The following SOS1 variants were observed in gnomAD, a reference collection of about 807,000 sequenced individuals.
The protein encoded by SOS1 is son of sevenless homolog 1.
In SOS1, 25 loss-of-function variants were observed where a neutral mutation model predicts 157.6. The ratio of observed to expected loss-of-function variants is 0.16; its 90% confidence interval spans 0.12 to 0.22. The LOEUF is 0.22. SOS1 is among the 10% of genes least tolerant of loss of function. The pLI is 1.00. For missense variants in SOS1, 1,237 were observed against 1,599.1 expected, an observed-to-expected ratio of 0.77 and a Z score of 3.86; for synonymous variants, 528 against 534.0, an observed-to-expected ratio of 0.99 and a Z score of 0.16.
intron 5 of SOS1, among the ~76,000 whole-genome samples, chr2:39,051,994 T>C (rs1364411701): frequency 6.6e-6 from 1 of 152,212 alleles, no homozygotes; most frequent in Non-Finnish European, 1.5e-5. Flanking sequence ...CTAGAACATT[T>C]CATTACCACA....
chr2:39,095,216 T>TA (rs1460550762), intron 1 of SOS1, among the ~76,000 whole-genome samples: 2 of 152,194 alleles, frequency 1.3e-5, no homozygotes, highest in Non-Finnish European at 2.9e-5. Context: ...CACCCTCCAG[T>TA]AGACACCAGA....
intron 6 of SOS1, among the ~76,000 whole-genome samples, chr2:39,047,218 T>C (rs547262866): frequency 3.3e-4 from 51 of 152,344 alleles, no homozygotes; most frequent in African/African-American, 1.1e-3. Flanking sequence ...CTCAGTATTA[T>C]GTTGCTGCTT....
chr2:39,079,648 C>A (rs1423091931), intron 1 of SOS1, among the ~76,000 whole-genome samples: 1 of 151,902 alleles, frequency 6.6e-6, no homozygotes, highest in East Asian at 1.9e-4. Flanking sequence ...GCACGTGCCA[C>A]CATGCCCGGC....
In SOS1 at chr2:39,061,402, G is replaced by C. The variant is rs115891809; in HGVS notation, c.214-2598C>G. On this transcript the variant is annotated intron_variant, in intron 2 of 22. Coordinates refer to ENST00000402219, the MANE Select transcript of SOS1 (RefSeq NM_005633.4). ...ATTTCTTTACTTTTTATTTATTTTG[G>C]GGGGGAACAGGGTCTCGATCTATCA... Among the ~76,000 whole-genome samples, 592 of 151,754 alleles carry C rather than the reference G, an allele frequency of 3.9e-3. 6 individuals carry two copies. Among genetic ancestry groups the C allele is most frequent in the African/African-American group, 0.014 (561 of 41,370 alleles).
intron 1 of SOS1, among the ~76,000 whole-genome samples, chr2:39,071,849 C>T (rs1447003785): frequency 6.6e-6 from 1 of 151,252 alleles, no homozygotes; most frequent in Non-Finnish European, 1.5e-5. Context: ...TGCAGTTTCG[C>T]TCACACTGTT....
intron 1 of SOS1, among the ~76,000 whole-genome samples, chr2:39,097,264 T>C (rs1435188456): frequency 6.6e-6 from 1 of 152,168 alleles, no homozygotes; most frequent in Non-Finnish European, 1.5e-5. Flanking sequence ...GAGATGCAAA[T>C]ATGAGCTATA....
intron 13 of SOS1, among the ~76,000 whole-genome samples, chr2:39,012,713 T>C (rs1669505465): frequency 6.6e-6 from 1 of 152,200 alleles, no homozygotes; most frequent in Non-Finnish European, 1.5e-5. Flanking sequence ...TCACAAGATT[T>C]ATAAGGATAG....
chr2:39,110,367 C>G (rs905708401), intron 1 of SOS1, among the ~76,000 whole-genome samples: 2 of 152,132 alleles, frequency 1.3e-5, no homozygotes, highest in African/African-American at 4.8e-5. Flanking sequence ...CCCGCAGATA[C>G]TTTTGATCCA....
intron 1 of SOS1, among the ~76,000 whole-genome samples, chr2:39,087,113 GAC>G (rs1672404958): frequency 6.6e-6 from 1 of 152,116 alleles, no homozygotes; most frequent in Admixed American, 6.5e-5. Context: ...TGCATCTGGT[GAC>G]AGTTTTTGAA....
At chr2:39,043,962 T>G (rs1007892236) in intron 6 of SOS1, among the ~76,000 whole-genome samples, 1 of 152,224 alleles carries the variant, frequency 6.6e-6, no homozygotes, top group African/African-American at 2.4e-5. Context: ...TTTTTTAATG[T>G]TTTTTAACTT....
chr2:39,114,722 G>A (rs1178424066), intron 1 of SOS1, among the ~76,000 whole-genome samples: 16 of 151,936 alleles, frequency 1.1e-4, no homozygotes, highest in East Asian at 1.9e-4. Context: ...TCAGCCTCCC[G>A]AGTAGCTGGG....
At chr2:39,080,183 T>A (rs575298565) in intron 1 of SOS1, among the ~76,000 whole-genome samples, 89 of 151,286 alleles carry the variant, frequency 5.9e-4, no homozygotes, top group African/African-American at 2.0e-3. Context: ...TGGTCCCATA[T>A]GGGGGGGAAT....
At chr2:39,069,811 G>C (rs937402862) in intron 1 of SOS1, among the ~76,000 whole-genome samples, 12 of 152,196 alleles carry the variant, frequency 7.9e-5, no homozygotes, top group African/African-American at 2.4e-4. Context: ...GCCTTCCAAA[G>C]TGCTGGGATT....
At chr2:39,018,209 CCTTT>C (rs1433400949) in intron 10 of SOS1, among the ~76,000 whole-genome samples, 4 of 151,874 alleles carry the variant, frequency 2.6e-5, no homozygotes, top group African/African-American at 9.7e-5. Context: ...TTTATATTCT[CCTTT>C]CTGTTTATCA....
rs1672349105 is a variant in SOS1 at position 39,085,845 on chromosome 2, C to T, written c.88-18092G>A. ...CATTCAACAGATAGTATAAGAGACA[C>T]AGGCCCCACCCTCAAGGAGCTTAGA... On this transcript the variant is annotated intron_variant, in intron 1 of 22. Coordinates refer to ENST00000402219, the MANE Select transcript of SOS1 (RefSeq NM_005633.4). Among the ~76,000 whole-genome samples, 4 of 152,186 alleles carry T rather than the reference C, an allele frequency of 2.6e-5. No homozygotes were observed. In the South Asian group the frequency reaches 8.3e-4, roughly 32 times the overall value.
chr2:39,038,317 T>A lies in SOS1; in HGVS notation c.865-2817A>T, dbSNP rs556559366. On this transcript the variant is annotated intron_variant, in intron 6 of 22. Transcript: ENST00000402219. Reference sequence around the variant, plus strand: ...CAAGACTTTAGTTGGAGGAAGTAACTGCAGATGTGGTGGAAATAGAAAGAG... The same window carrying A: ...CAAGACTTTAGTTGGAGGAAGTAACAGCAGATGTGGTGGAAATAGAAAGAG... Among the ~76,000 whole-genome samples, 3 of 152,314 alleles carry A rather than the reference T, an allele frequency of 2.0e-5. No homozygotes were observed. The South Asian group carries it at 6.2e-4, about 32-fold the overall frequency.
intron 3 of SOS1, among the ~76,000 whole-genome samples, chr2:39,057,819 A>C (rs992027283): frequency 6.6e-6 from 1 of 152,114 alleles, no homozygotes; most frequent in African/African-American, 2.4e-5. Flanking sequence ...ACTGAATGCA[A>C]AATACAACCT....
chr2:39,015,724 A>C, intron 10 of SOS1, among the ~76,000 whole-genome samples: 1 of 151,514 alleles, frequency 6.6e-6, no homozygotes, highest in South Asian at 2.1e-4. Context: ...AGGGGGAAAG[A>C]CATCTCCCAT....
At chr2:39,009,490 G>A (rs985382995) in intron 15 of SOS1, among the ~76,000 whole-genome samples, 7 of 152,064 alleles carry the variant, frequency 4.6e-5, no homozygotes, top group Non-Finnish European at 5.9e-5. Context: ...TTGTAAATGC[G>A]TATTTTTTTC....
Sources: gnomAD v4.1 joint callset for allele counts (sites outside exome capture counted in the v4.1 genomes callset) on GRCh38, gnomAD v4.1.1 for gene constraint, MANE v1.5 for transcripts, NCBI Gene and HGNC (gene_info 2026-07-23, HGNC 2026-07-21) for gene names.